ROCK2: variants seen among roughly 807,000 people sequenced by gnomAD.
ROCK2 encodes Rho associated coiled-coil containing protein kinase 2.
In ROCK2, 61 loss-of-function variants were observed where a neutral mutation model predicts 195.1. The ratio of observed to expected loss-of-function variants is 0.31; its 90% CI spans 0.25 to 0.39. The LOEUF (loss-of-function observed/expected upper bound fraction) is 0.39. ROCK2 is among the 10% of genes least tolerant of loss of function. The probability of loss-of-function intolerance (pLI) is 1.00; values close to 1 mark genes in which losing one functional copy is unlikely to be tolerated. For missense variants in ROCK2, 1,109 were observed against 1,637.4 expected (o/e 0.68, Z 5.57); for synonymous variants, 504 against 545.5 (o/e 0.92, Z 1.06).
At chr2:11,311,242 G>A (rs745737174) in intron 1 of ROCK2, among the ~76,000 whole-genome samples, 16 of 152,122 alleles carry the variant, frequency 1.1e-4, no homozygotes, top group South Asian at 4.2e-4. Flanking sequence ...AAGGCCAAAC[G>A]AATTTATTTT....
rs1663024246 is a variant in ROCK2, at chr2:11,182,048, T to A, written c.*1389A>T. ...CAAAAAAAAAACTTTACGCTTACCA[T>A]TGCTGCATATTGTTGCAGTATAAAA... On this transcript the variant is annotated 3_prime_UTR_variant, in exon 33 of 33. Transcript: ENST00000315872. 6.6e-6 allele frequency: 1 copy of A among 152,094 alleles called. No homozygotes were observed. The allele number at this position is 152,094 out of a possible 1,614,324, so 9.4% of individuals were successfully genotyped here. A position where few individuals can be genotyped will look rare whatever the true frequency, so the allele number is the denominator to read the frequency against.
chr2:11,343,126 C>T (rs893787400), intron 1 of ROCK2, among the ~76,000 whole-genome samples: 8 of 152,278 alleles, frequency 5.3e-5, no homozygotes, highest in African/African-American at 1.4e-4. Context: ...CCTTTCTTCC[C>T]CTCCCCAGGG....
At chr2:11,198,200 G>A (rs917011718) in intron 25 of ROCK2, among the ~76,000 whole-genome samples, 5 of 152,082 alleles carry the variant, frequency 3.3e-5, no homozygotes, top group Admixed American at 6.6e-5. Context: ...TCAGCAAATG[G>A]TCAATCCCAA....
chr2:11,216,285 A>C, intron 12 of ROCK2, 79 bp from the exon 13 acceptor site: 1 of 1,029,656 alleles, frequency 9.7e-7, no homozygotes, highest in Non-Finnish European at 1.5e-6. Context: ...AAGTAATTAC[A>C]TAATTACTTG....
chr2:11,252,045 A>G (rs1348901452), intron 3 of ROCK2, among the ~76,000 whole-genome samples: 3 of 152,128 alleles, frequency 2.0e-5, no homozygotes, highest in African/African-American at 7.2e-5. Flanking sequence ...GAAATAGAAC[A>G]CCTTTATGCT....
chr2:11,193,725 G>A (rs372403317), intron 30 of ROCK2, 54 bp downstream of exon 30: 5 of 1,034,106 alleles, frequency 4.8e-6, no homozygotes, highest in Non-Finnish European at 5.8e-6. Context: ...ACTTCTAAAT[G>A]TGAAAAAAAC....
chr2:11,191,773 G>A (rs72785479), intron 32 of ROCK2, among the ~76,000 whole-genome samples: 6,468 of 152,134 alleles, frequency 0.043, 280 homozygotes, highest in Non-Finnish European at 0.06. Flanking sequence ...TCTCATCAAG[G>A]TTATAACAGA....
chr2:11,190,551 A>C (rs1402681634), intron 32 of ROCK2, among the ~76,000 whole-genome samples: 1 of 147,538 alleles, frequency 6.8e-6, no homozygotes, highest in Non-Finnish European at 1.5e-5. Flanking sequence ...TGAAATCATT[A>C]ATGTGTCAAA....
At position 11,215,612 on chromosome 2, in the gene ROCK2, T is replaced by C; in HGVS notation, c.1495A>G (p.Arg499Gly). 1 of 1,611,946 alleles carries C rather than the reference T, an allele frequency of 6.2e-7. No individual in the cohort carries two copies. Among genetic ancestry groups the C allele is most frequent in the Non-Finnish European group, 8.5e-7 (1 of 1,179,100 alleles). Residue 499 changes from arginine (R) to glycine (G), a missense_variant, in exon 14 of 33, where the codon AGA (arginine) becomes GGA (glycine). Transcript: ENST00000315872. ...AGCGCCTTTTCTCTTTCTAACTGTCTTAATGCTGATTCCACACTTTTCCGT... is the reference window on the plus strand; with the variant it reads ...AGCGCCTTTTCTCTTTCTAACTGTCCTAATGCTGATTCCACACTTTTCCGT... ...TLRKSVESAL[R>G]QLEREKALLQ...
At chr2:11,295,991 G>A (rs1282549653) in intron 1 of ROCK2, among the ~76,000 whole-genome samples, 3 of 10,996 alleles carry the variant, frequency 2.7e-4, no homozygotes, top group African/African-American at 3.2e-4. Context: ...AGAGAGAGAG[G>A]AGAGAGAGAG....
intron 18 of ROCK2, among the ~76,000 whole-genome samples, 172 bp downstream of exon 18, chr2:11,211,509 C>T (rs1664245427): frequency 6.6e-6 from 1 of 151,924 alleles, no homozygotes; most frequent in African/African-American, 2.4e-5. Flanking sequence ...TGTAATGATA[C>T]AAAGGAAAAA....
At chr2:11,203,530 G>C (rs1196369016) in intron 20 of ROCK2, among the ~76,000 whole-genome samples, 1 of 151,904 alleles carries the variant, frequency 6.6e-6, no homozygotes, top group Non-Finnish European at 1.5e-5. Context: ...AACACCACTT[G>C]GGTATTTTTA....
At chr2:11,267,507 CA>C (rs1282448544) in intron 3 of ROCK2, among the ~76,000 whole-genome samples, 1,426 of 137,844 alleles carry the variant, frequency 0.01, 18 homozygotes, top group African/African-American at 0.032. Flanking sequence ...TTTTCACATA[CA>C]AAAAAAAAAA....
At chr2:11,332,151 AC>A (rs1423105160) in intron 1 of ROCK2, among the ~76,000 whole-genome samples, 2 of 151,848 alleles carry the variant, frequency 1.3e-5, no homozygotes, top group African/African-American at 2.4e-5. Flanking sequence ...TAAAAAAAAA[AC>A]CTTTTTTTAA....
intron 1 of ROCK2, among the ~76,000 whole-genome samples, chr2:11,302,415 C>G (rs1247928113): frequency 1.3e-5 from 2 of 151,054 alleles, no homozygotes; most frequent in Non-Finnish European, 3.0e-5. Context: ...GCAAGTGATT[C>G]TCTTCCCTCA....
intron 1 of ROCK2, among the ~76,000 whole-genome samples, chr2:11,313,178 C>T (rs7355489): frequency 0.73 from 111,002 of 151,942 alleles, 42,436 homozygotes; most frequent in East Asian, 0.94. Flanking sequence ...AACAAGTGTA[C>T]CACACTAAGG....
chr2:11,252,106 C>T (rs1665849251), intron 3 of ROCK2, among the ~76,000 whole-genome samples: 1 of 152,092 alleles, frequency 6.6e-6, no homozygotes, highest in South Asian at 2.1e-4. Flanking sequence ...AGTGTGGCAA[C>T]TGCTCAAGGA....
intron 1 of ROCK2, among the ~76,000 whole-genome samples, chr2:11,311,324 G>A (rs1479424981): frequency 6.6e-6 from 1 of 152,110 alleles, no homozygotes; most frequent in Non-Finnish European, 1.5e-5. Flanking sequence ...TGAGGTGGCA[G>A]GGTGGTGGGT....
At chr2:11,338,709 C>T (rs1020318766) in intron 1 of ROCK2, among the ~76,000 whole-genome samples, 4 of 152,004 alleles carry the variant, frequency 2.6e-5, no homozygotes, top group African/African-American at 9.7e-5. Flanking sequence ...TGCATCAACA[C>T]GAGATATCCA....
Sources: allele counts gnomAD v4.1 joint callset (sites outside exome capture counted in the v4.1 genomes callset), GRCh38; gene constraint gnomAD v4.1.1; transcripts MANE v1.5; gene names NCBI Gene and HGNC (gene_info 2026-07-23, HGNC 2026-07-21).